The following GNA14 variants were observed in gnomAD, a reference collection of about 807,000 sequenced individuals.
GNA14 encodes guanine nucleotide-binding protein subunit alpha-14.
In GNA14, 50 loss-of-function variants were observed where a neutral mutation model predicts 42.0. The ratio of observed to expected loss-of-function variants is 1.19; its 90% confidence interval spans 0.95 to 1.51. The LOEUF is 1.51. GNA14 is among the 40% of genes most tolerant of loss of function. The pLI is 0.00. For synonymous variants in GNA14, 173 were observed against 163.1 expected, an observed-to-expected ratio of 1.06 and a Z score of -0.46; for missense variants, 473 against 446.2, an observed-to-expected ratio of 1.06 and a Z score of -0.54.
chr9:77,607,579 C>A, intron 1 of GNA14, among the ~76,000 whole-genome samples: 1 of 152,188 alleles, frequency 6.6e-6, no homozygotes. Flanking sequence ...TCCAAGGAAA[C>A]CAACTCTAAG....
chr9:77,556,823 G>GT (rs1339968671), intron 1 of GNA14, among the ~76,000 whole-genome samples: 1 of 152,174 alleles, frequency 6.6e-6, no homozygotes, highest in Non-Finnish European at 1.5e-5. Flanking sequence ...AGTTAAGAAT[G>GT]TATCTTTGGC....
At chr9:77,591,386 G>T (rs1439475524) in intron 1 of GNA14, among the ~76,000 whole-genome samples, 1 of 152,138 alleles carries the variant, frequency 6.6e-6, no homozygotes, top group Non-Finnish European at 1.5e-5. Flanking sequence ...TTTTAAAAAA[G>T]AATAGATTTT....
intron 1 of GNA14, among the ~76,000 whole-genome samples, chr9:77,582,711 T>C (rs993025919): frequency 1.3e-5 from 2 of 152,226 alleles, no homozygotes; most frequent in Non-Finnish European, 2.9e-5. Flanking sequence ...CTGTCATCGG[T>C]CTGATATACA....
At chr9:77,504,087 C>T (rs1364709403) in intron 2 of GNA14, among the ~76,000 whole-genome samples, 1 of 152,122 alleles carries the variant, frequency 6.6e-6, no homozygotes, top group Non-Finnish European at 1.5e-5. Flanking sequence ...CTTATACTGT[C>T]CCCAAATTAC....
At position 77,549,875 on chromosome 9, in the gene GNA14, G is replaced by A. The variant is rs561147269; in HGVS notation, c.125-20622C>T. Among the ~76,000 whole-genome samples the A allele has an allele frequency of 3.3e-5, 5 of 152,168 alleles. No individual in the cohort carries two copies. In the East Asian group the frequency reaches 5.8e-4, roughly 18 times the overall value. Reference sequence around the variant, plus strand: ...CCAGCTTCACATCCTCGTTGCAAGCGCTTGGGACTCTATAATTTTCTCCAC... The same window carrying A: ...CCAGCTTCACATCCTCGTTGCAAGCACTTGGGACTCTATAATTTTCTCCAC... On this transcript the variant is annotated intron_variant, in intron 1 of 6. Coordinates refer to ENST00000341700, the MANE Select transcript of GNA14 (RefSeq NM_004297.4).
At chr9:77,425,473 G>T in intron 6 of GNA14, 89 bp downstream of exon 6, 3 of 882,616 alleles carry the variant, frequency 3.4e-6, no homozygotes, top group Non-Finnish European at 3.5e-6. Context: ...GACCAGGGAG[G>T]CCCCTTTGAG....
At chr9:77,582,310 C>T (rs1823237988) in intron 1 of GNA14, among the ~76,000 whole-genome samples, 1 of 152,128 alleles carries the variant, frequency 6.6e-6, no homozygotes, top group African/African-American at 2.4e-5. Flanking sequence ...GTGTGCTTTC[C>T]TTTCTGTGGT....
At chr9:77,499,344 T>A (rs1358732814) in intron 2 of GNA14, among the ~76,000 whole-genome samples, 1 of 151,698 alleles carries the variant, frequency 6.6e-6, no homozygotes, top group Admixed American at 6.6e-5. Context: ...ACCAGATTCA[T>A]CACTGTTGGT....
At chr9:77,434,341 G>A (rs1467598500) in intron 3 of GNA14, 27 bp downstream of exon 3, 1 of 1,588,276 alleles carries the variant, frequency 6.3e-7, no homozygotes, top group Non-Finnish European at 8.6e-7. Context: ...AAGCACCGCG[G>A]GCGGCCAGGG....
intron 1 of GNA14, among the ~76,000 whole-genome samples, chr9:77,577,566 C>T (rs983822763): frequency 1.3e-5 from 2 of 152,204 alleles, no homozygotes; most frequent in African/African-American, 4.8e-5. Context: ...TGAGACATGA[C>T]TTCTGTTCAC....
chr9:77,533,898 C>T (rs1837561854), intron 1 of GNA14, among the ~76,000 whole-genome samples: 1 of 152,214 alleles, frequency 6.6e-6, no homozygotes, highest in East Asian at 1.9e-4. Context: ...GAGCCTTTGA[C>T]CTTGCAGGTT....
At chr9:77,620,905 T>C (rs1042408950) in intron 1 of GNA14, among the ~76,000 whole-genome samples, 43 of 151,768 alleles carry the variant, frequency 2.8e-4, no homozygotes, top group African/African-American at 9.9e-4. Flanking sequence ...TGATTCTCTT[T>C]AAATAAAATT....
At chr9:77,519,489 A>C (rs636562) in intron 2 of GNA14, among the ~76,000 whole-genome samples, 1 of 152,034 alleles carries the variant, frequency 6.6e-6, no homozygotes, top group East Asian at 1.9e-4. Flanking sequence ...TAGTTAATGT[A>C]TTCCGTTTAA....
chr9:77,577,740 T>C (rs1823151004), intron 1 of GNA14, among the ~76,000 whole-genome samples: 2 of 152,278 alleles, frequency 1.3e-5, no homozygotes, highest in South Asian at 2.1e-4. Context: ...AGAAGGAGGA[T>C]GACAGAAGGA....
intron 6 of GNA14, 26 bp downstream of exon 6, chr9:77,425,536 A>G: frequency 6.4e-7 from 1 of 1,565,190 alleles, no homozygotes; most frequent in Non-Finnish European, 8.7e-7. Flanking sequence ...AGCACAGAAA[A>G]CACTGTCCAC....
intron 1 of GNA14, among the ~76,000 whole-genome samples, chr9:77,602,211 A>G (rs1441910728): frequency 1.3e-5 from 2 of 152,204 alleles, no homozygotes; most frequent in Non-Finnish European, 2.9e-5. Context: ...TTATGCTCAT[A>G]GCCTTTATAT....
intron 1 of GNA14, among the ~76,000 whole-genome samples, chr9:77,609,752 C>A (rs1461656624): frequency 6.6e-6 from 1 of 152,118 alleles, no homozygotes; most frequent in African/African-American, 2.4e-5. Flanking sequence ...GAAAAAAATC[C>A]TCAAAATATG....
At chr9:77,454,265 G>A (rs1835961698) in intron 2 of GNA14, among the ~76,000 whole-genome samples, 2 of 152,170 alleles carry the variant, frequency 1.3e-5, no homozygotes, top group East Asian at 1.9e-4. Flanking sequence ...AGACATAAAG[G>A]AGGAAGTCTC....
intron 1 of GNA14, among the ~76,000 whole-genome samples, chr9:77,575,432 A>C (rs1389181792): frequency 6.6e-6 from 1 of 152,222 alleles, no homozygotes; most frequent in East Asian, 1.9e-4. Flanking sequence ...TTCTAGAATG[A>C]AAGGTTCTTA....
Sources: allele counts gnomAD v4.1 joint callset (sites outside exome capture counted in the v4.1 genomes callset), GRCh38; gene constraint gnomAD v4.1.1; transcripts MANE v1.5; gene names NCBI Gene and HGNC (gene_info 2026-07-23, HGNC 2026-07-21).